The following CDH13 variants were observed in gnomAD, a reference collection of about 807,000 sequenced individuals.
CDH13 encodes the protein cadherin-13.
A neutral mutation model predicts 63.8 loss-of-function variants in CDH13; 24 were observed. That is an observed-to-expected ratio of 0.38 (90% CI 0.27 to 0.53). The LOEUF (loss-of-function observed/expected upper bound fraction) is 0.53, where lower values mean the gene tolerates loss of function less well. Ranked by LOEUF, CDH13 falls within the 20% of genes least tolerant of loss-of-function variation. The pLI is 0.85. For missense variants in CDH13, 1,049 were observed against 903.1 expected (o/e 1.16, Z -2.07); for synonymous variants, 503 against 355.3 (o/e 1.42, Z -4.67).
intron 1 of CDH13, among the ~76,000 whole-genome samples, chr16:82,855,414 G>A (rs1165831252): frequency 6.6e-6 from 1 of 152,182 alleles, no homozygotes; most frequent in Non-Finnish European, 1.5e-5. Context: ...CCAGTTTCCT[G>A]GTCTGGGAGC....
At chr16:83,790,682 C>T (rs989084209) in intron 13 of CDH13, among the ~76,000 whole-genome samples, 23 of 152,288 alleles carry the variant, frequency 1.5e-4, no homozygotes, top group African/African-American at 4.6e-4. Context: ...GGATTACAGG[C>T]GTGAGCCACC....
intron 11 of CDH13, among the ~76,000 whole-genome samples, chr16:83,752,358 G>A (rs766235107): frequency 2.0e-5 from 3 of 152,154 alleles, no homozygotes; most frequent in Non-Finnish European, 2.9e-5. Flanking sequence ...CGTATATACC[G>A]TGTCCCGAAT....
chr16:82,932,453 A>C lies in CDH13; in HGVS notation c.157+73980A>C, dbSNP rs147351413. The stretch of plus-strand genomic sequence containing the variant: ...CTGCTCCTAGCTGACCTACTAGAGA[A>C]AAATCTTAACATTTTCCACAAACTT... On this transcript the variant is annotated intron_variant, in intron 2 of 13. Transcript: ENST00000567109. Among the ~76,000 whole-genome samples the C allele has an allele frequency of 3.6e-3, 553 of 152,272 alleles. 7 individuals carry two copies. The highest frequency in any genetic ancestry group is 0.013 in the African/African-American group (535 of 41,548).
chr16:83,274,992 G>A (rs756722993), intron 5 of CDH13, among the ~76,000 whole-genome samples: 1 of 152,066 alleles, frequency 6.6e-6, no homozygotes. Flanking sequence ...AGCCCTGTCT[G>A]ACCCGGCACT....
At chr16:82,966,349 C>CTG (rs35984108) in intron 2 of CDH13, among the ~76,000 whole-genome samples, 63,805 of 151,756 alleles carry the variant, frequency 0.42, 14,138 homozygotes, top group East Asian at 0.5. Context: ...TGGGGTTTCA[C>CTG]TGTTGGCTAG....
rs138378196 is a variant in CDH13, at chr16:82,680,211, G to A, written c.45+53074G>A. On this transcript the variant is annotated intron_variant, in intron 1 of 13. Transcript: ENST00000567109. Reference sequence around the variant, plus strand: ...CTGATAAAGACCAAGAGAGGGGAATGTGGGGCCTGGTCTAATGAGAGTTAC... The same window carrying A: ...CTGATAAAGACCAAGAGAGGGGAATATGGGGCCTGGTCTAATGAGAGTTAC... Among the ~76,000 whole-genome samples, 1,071 of 152,350 alleles carry A rather than the reference G, an allele frequency of 7.0e-3. 7 individuals carry two copies. The highest frequency in any genetic ancestry group is 0.05 in the South Asian group (241 of 4,824).
At chr16:82,921,418 A>G (rs772844405) in intron 2 of CDH13, among the ~76,000 whole-genome samples, 1 of 152,130 alleles carries the variant, frequency 6.6e-6, no homozygotes, top group Non-Finnish European at 1.5e-5. Flanking sequence ...TGCCTTCTCT[A>G]TCTCTCATAG....
At chr16:82,629,298 G>C (rs1182372900) in intron 1 of CDH13, among the ~76,000 whole-genome samples, 1 of 152,206 alleles carries the variant, frequency 6.6e-6, no homozygotes, top group Non-Finnish European at 1.5e-5. Flanking sequence ...GAATTGAAAT[G>C]ATTGCCCTGA....
chr16:83,103,243 C>CTTTTTTTTTT (rs35812420), intron 3 of CDH13, among the ~76,000 whole-genome samples: 9 of 91,210 alleles, frequency 9.9e-5, no homozygotes, highest in African/African-American at 2.5e-4. Flanking sequence ...GTTAACTGAA[C>CTTTTTTTTTT]TTTTTTTTTT....
intron 2 of CDH13, among the ~76,000 whole-genome samples, chr16:82,974,800 C>G (rs1449127359): frequency 6.6e-6 from 1 of 152,208 alleles, no homozygotes; most frequent in South Asian, 2.1e-4. Context: ...GAAAAGGAAG[C>G]AGATTTGTCC....
chr16:83,469,135 A>C (rs2073392346), intron 6 of CDH13, among the ~76,000 whole-genome samples: 1 of 152,200 alleles, frequency 6.6e-6, no homozygotes, highest in African/African-American at 2.4e-5. Context: ...AGAAGCAGAA[A>C]GTTCAAGGCC....
At chr16:83,736,321 T>G (rs922128616) in intron 10 of CDH13, among the ~76,000 whole-genome samples, 2 of 152,188 alleles carry the variant, frequency 1.3e-5, no homozygotes, top group Non-Finnish European at 2.9e-5. Context: ...GCTTCTGAAG[T>G]CTCAGCCTGT....
At chr16:83,254,232 G>A (rs959021836) in intron 5 of CDH13, among the ~76,000 whole-genome samples, 1 of 152,204 alleles carries the variant, frequency 6.6e-6, no homozygotes, top group African/African-American at 2.4e-5. Context: ...GAACCACAGC[G>A]AAGTCACGGA....
chr16:83,041,634 C>G (rs1159629150), intron 3 of CDH13, among the ~76,000 whole-genome samples: 2 of 152,132 alleles, frequency 1.3e-5, no homozygotes, highest in Non-Finnish European at 2.9e-5. Context: ...TAATTGCCCC[C>G]TGTTTCTACA....
intron 1 of CDH13, among the ~76,000 whole-genome samples, chr16:82,647,376 G>C (rs564009967): frequency 6.6e-6 from 1 of 152,188 alleles, no homozygotes; most frequent in Non-Finnish European, 1.5e-5. Flanking sequence ...CCTCAAAAGC[G>C]GATGCTGTGA....
chr16:83,471,842 A>T (rs1483501230), intron 6 of CDH13, among the ~76,000 whole-genome samples: 2 of 152,244 alleles, frequency 1.3e-5, no homozygotes, highest in African/African-American at 4.8e-5. Context: ...CTCATCGAGC[A>T]CATGGAGGAG....
intron 5 of CDH13, among the ~76,000 whole-genome samples, chr16:83,303,807 A>G (rs925297246): frequency 2.6e-5 from 4 of 152,074 alleles, no homozygotes; most frequent in Admixed American, 1.3e-4. Flanking sequence ...CCAATACCAG[A>G]ATTAAATCAT....
chr16:82,677,926 A>T (rs1263644690), intron 1 of CDH13, among the ~76,000 whole-genome samples: 1 of 152,176 alleles, frequency 6.6e-6, no homozygotes, highest in Non-Finnish European at 1.5e-5. Flanking sequence ...TAAATGATTG[A>T]TGTCTGCTTG....
At chr16:83,385,804 G>A (rs886997463) in intron 6 of CDH13, among the ~76,000 whole-genome samples, 2 of 152,054 alleles carry the variant, frequency 1.3e-5, no homozygotes, top group African/African-American at 4.8e-5. Flanking sequence ...AAAGATTCCC[G>A]GCATGTCCCA....
Sources: allele counts gnomAD v4.1 joint callset (sites outside exome capture counted in the v4.1 genomes callset), GRCh38; gene constraint gnomAD v4.1.1; transcripts MANE v1.5; gene names NCBI Gene and HGNC (gene_info 2026-07-23, HGNC 2026-07-21).